DYNC2H1: variants seen among roughly 807,000 people sequenced by gnomAD.
The protein encoded by DYNC2H1 is dynein cytoplasmic 2 heavy chain 1, also known as cytoplasmic dynein 2 heavy chain 1.
DYNC2H1 carries 410 observed loss-of-function variants against 570.0 expected under a neutral mutation model. The observed-to-expected ratio is 0.72, with a 90% CI of 0.66 to 0.78. The LOEUF (loss-of-function observed/expected upper bound fraction) is 0.78, where lower values mean the gene tolerates loss of function less well. Ranked by LOEUF, DYNC2H1 falls within the 30% of genes least tolerant of loss-of-function variation. DYNC2H1 has a pLI of 0.00. For synonymous variants in DYNC2H1, 1,688 were observed against 1,677.6 expected, an observed-to-expected ratio of 1.01 and a Z score of -0.15; for missense variants, 4,865 against 5,046.4, an observed-to-expected ratio of 0.96 and a Z score of 1.09.
At chr11:103,394,737 A>G (rs1278893842) in intron 83 of DYNC2H1, among the ~76,000 whole-genome samples, 1 of 152,092 alleles carries the variant, frequency 6.6e-6, no homozygotes, top group African/African-American at 2.4e-5. Flanking sequence ...GGTTGGTGCA[A>G]AAGTAATTGC....
At chr11:103,200,240 G>C (rs957307208) in intron 50 of DYNC2H1, 86 bp downstream of exon 50, 124 of 1,063,730 alleles carry the variant, frequency 1.2e-4, no homozygotes, top group Non-Finnish European at 1.7e-4. Flanking sequence ...AAATTTATTT[G>C]TTTTGGAGAA....
At position 103,235,330 on chromosome 11, in the gene DYNC2H1, G is replaced by T. The variant is rs554301003; in HGVS notation, c.9568-342G>T. ...GGTCTTCATGCTGTAGCTTTGTTTT[G>T]TCCCTTTGTTCATTCTCTGTGTCTT... is the stretch of plus-strand genomic sequence containing the variant. On this transcript the variant is annotated intron_variant, in intron 61 of 88. Transcript: ENST00000375735. Among the ~76,000 whole-genome samples, 17 of 151,568 alleles carry T rather than the reference G, an allele frequency of 1.1e-4. No individual in the cohort carries two copies. In the East Asian group the frequency reaches 3.1e-3, roughly 28 times the overall value.
intron 37 of DYNC2H1, 135 bp downstream of exon 37, chr11:103,176,569 C>CA (rs1319192227): frequency 1.6e-6 from 1 of 638,424 alleles, no homozygotes; most frequent in Non-Finnish European, 2.4e-6. Context: ...GAAGTCTTCC[C>CA]AGATCTTCAA....
At chr11:103,242,697 T>C (rs1292785276) in intron 63 of DYNC2H1, among the ~76,000 whole-genome samples, 1 of 152,150 alleles carries the variant, frequency 6.6e-6, no homozygotes. Context: ...CTAAGTGCCA[T>C]TGTGTGTGGA....
chr11:103,188,980 C>G (rs751678999), intron 44 of DYNC2H1, among the ~76,000 whole-genome samples: 15 of 151,842 alleles, frequency 9.9e-5, no homozygotes, highest in Non-Finnish European at 2.1e-4. Flanking sequence ...AAAATACCAT[C>G]AAATTTATGA....
intron 54 of DYNC2H1, among the ~76,000 whole-genome samples, chr11:103,212,459 A>G (rs1863194929): frequency 6.6e-6 from 1 of 152,096 alleles, no homozygotes; most frequent in South Asian, 2.1e-4. Context: ...TAAAATAATA[A>G]TAAAGAAAAA....
chr11:103,335,645 C>T (rs187399626), intron 82 of DYNC2H1, among the ~76,000 whole-genome samples: 2 of 152,064 alleles, frequency 1.3e-5, no homozygotes, highest in Non-Finnish European at 2.9e-5. Context: ...ACAAACCAAA[C>T]TATTCCAGAT....
At position 103,120,596 on chromosome 11, in the gene DYNC2H1, T is replaced by A; in HGVS notation, c.1134+15T>A. 1 of 1,605,624 alleles carries A rather than the reference T, an allele frequency of 6.2e-7. No homozygotes were observed. ...CATATACTGAGGTTGTATATATATT[T>A]GTTTATGTCTGTACAGTTTCCTGTT... On this transcript the variant is annotated intron_variant, in intron 7 of 88. Transcript: ENST00000375735.
chr11:103,333,879 A>G (rs532886274), intron 82 of DYNC2H1, among the ~76,000 whole-genome samples: 33 of 152,322 alleles, frequency 2.2e-4, no homozygotes, highest in South Asian at 1.9e-3. Context: ...TGTTGAAAAC[A>G]TCTGTAATAA....
At chr11:103,308,010 AT>A (rs1481248068) in intron 78 of DYNC2H1, among the ~76,000 whole-genome samples, 179 bp downstream of exon 78, 2 of 152,314 alleles carry the variant, frequency 1.3e-5, no homozygotes, top group East Asian at 3.9e-4. Context: ...TTCAAATTTT[AT>A]TTCATACTTA....
rs913324265 is a variant in DYNC2H1, at chr11:103,151,538, C to T, written c.2947-598C>T. On this transcript the variant is annotated intron_variant, in intron 20 of 88. Transcript: ENST00000375735. The surrounding 1 kb of genome is among the most constrained non-coding windows in gnomAD (Gnocchi z 4.6). ...TGTTGTTTTACAGAGCTTTAAAAGC[C>T]TTAGAGGCAATTCCAGCAGTTTAGC... 1.1e-4 allele frequency among the ~76,000 whole-genome samples: 17 copies of T among 152,074 alleles called. No individual in the cohort carries two copies. Among genetic ancestry groups the T allele is most frequent in the African/African-American group, 4.1e-4 (17 of 41,402 alleles).
rs1864746761 is a variant in DYNC2H1 at position 103,249,428 on chromosome 11, A to G, written c.10043-3857A>G. Among the ~76,000 whole-genome samples, 1 of 152,018 alleles carries G rather than the reference A, an allele frequency of 6.6e-6. No individual in the cohort carries two copies. The highest frequency in any genetic ancestry group is 6.6e-5 in the Admixed American group (1 of 15,218). On this transcript the variant is annotated intron_variant, in intron 65 of 88. Transcript: ENST00000375735. The surrounding 1 kb of genome is among the most constrained non-coding windows in gnomAD (Gnocchi z 4.6). ...ATTTATAGCTAATGAATTTTTACAA[A>G]TTGAATACACCTGTATAAACACCCA...
Position 103,186,221 on chromosome 11 carries a change from T to C in DYNC2H1, c.6634-21T>C, listed in dbSNP as rs776571096. On this transcript the variant is annotated intron_variant, in intron 41 of 88. Transcript: ENST00000375735. This position sits in a 1 kb window ranked among gnomAD's most constrained non-coding sequence, Gnocchi z 4.5. ...ACACTCTGGAGTATGTGAAAACTTATCACAATTTTTTCCTCTTAAGGTTTT... is the reference window on the plus strand; with the variant it reads ...ACACTCTGGAGTATGTGAAAACTTACCACAATTTTTTCCTCTTAAGGTTTT... 1.6e-5 allele frequency: 25 copies of C among 1,599,216 alleles called. No homozygotes were observed. The Middle Eastern group carries it at 6.7e-4, about 43-fold the overall frequency.
intron 57 of DYNC2H1, 130 bp from the exon 58 acceptor site, chr11:103,221,900 G>A (rs971322568): frequency 2.3e-6 from 2 of 886,806 alleles, no homozygotes; most frequent in African/African-American, 1.7e-5. Context: ...GAAGCTTAAA[G>A]GTTTTAATAC....
At chr11:103,136,372 C>T (rs1038076086) in intron 17 of DYNC2H1, among the ~76,000 whole-genome samples, 1 of 150,116 alleles carries the variant, frequency 6.7e-6, no homozygotes, top group Non-Finnish European at 1.5e-5. Flanking sequence ...CTATCCCTCC[C>T]CCCTCCCGCC....
In DYNC2H1 at chr11:103,177,644, T is replaced by G. The variant is rs1480996103; in HGVS notation, c.5963T>G (p.Leu1988Arg). 1 of 1,613,310 alleles carries G rather than the reference T, an allele frequency of 6.2e-7. No homozygotes were observed. Among genetic ancestry groups the G allele is most frequent in the South Asian group, 1.1e-5 (1 of 90,982 alleles). The stretch of plus-strand genomic sequence containing the variant: ...CCAAGTGGTGCTGGAAAATCAACGC[T>G]TTGGAGAATGTTAAGGGCTGCGCTT... ...VGPSGAGKST[L>R]WRMLRAALCK... The change falls in exon 38 of 89, where the codon CTT (leucine) becomes CGT (arginine). Residue 1988 changes from leucine to arginine, a missense_variant. Coordinates refer to ENST00000375735, the MANE Select transcript of DYNC2H1 (RefSeq NM_001377.3). The surrounding 1 kb of genome is among the most constrained non-coding windows in gnomAD (Gnocchi z 4.4).
chr11:103,253,636 A>G (rs555733553), intron 66 of DYNC2H1, among the ~76,000 whole-genome samples, 188 bp downstream of exon 66: 1 of 152,288 alleles, frequency 6.6e-6, no homozygotes, highest in Non-Finnish European at 1.5e-5. Flanking sequence ...AGACCTGTAC[A>G]TTTGATGCTA....
intron 84 of DYNC2H1, chr11:103,409,681 CA>C (rs1392932195): frequency 6.5e-6 from 1 of 154,638 alleles, no homozygotes; most frequent in Non-Finnish European, 1.4e-5. Flanking sequence ...CTATCTTGGA[CA>C]ACCAGCTATC....
chr11:103,150,171 A>G (rs1860466013), intron 20 of DYNC2H1, among the ~76,000 whole-genome samples: 1 of 152,172 alleles, frequency 6.6e-6, no homozygotes, highest in South Asian at 2.1e-4. Context: ...TAGAAATTGT[A>G]AGAAGTTCGT....
Sources: allele counts gnomAD v4.1 joint callset (sites outside exome capture counted in the v4.1 genomes callset), GRCh38; gene constraint gnomAD v4.1.1; non-coding constraint Gnocchi (gnomAD v3.1); transcripts MANE v1.5; gene names NCBI Gene and HGNC (gene_info 2026-07-23, HGNC 2026-07-21).